The following C2CD3 variants were observed in gnomAD, a reference collection of about 807,000 sequenced individuals.
C2CD3 encodes C2 domain-containing protein 3.
In C2CD3, 148 loss-of-function variants were observed where a neutral mutation model predicts 234.0. The ratio of observed to expected loss-of-function variants is 0.63; its 90% CI spans 0.55 to 0.72. C2CD3 has a LOEUF of 0.72. Among genes scored for constraint, C2CD3 ranks in the 30% least tolerant of loss-of-function variants. The pLI is 0.00. For missense variants in C2CD3, 2,577 were observed against 2,811.5 expected (o/e 0.92, Z 1.89); for synonymous variants, 1,000 against 1,035.4 (o/e 0.97, Z 0.66).
intron 9 of C2CD3, among the ~76,000 whole-genome samples, chr11:74,116,363 C>T (rs929875165): frequency 2.0e-5 from 3 of 151,768 alleles, no homozygotes; most frequent in Non-Finnish European, 2.9e-5. Flanking sequence ...GGCCAACAAA[C>T]GTATGAAAAT....
At chr11:74,131,317 G>C (rs1173146414) in intron 7 of C2CD3, among the ~76,000 whole-genome samples, 1 of 146,764 alleles carries the variant, frequency 6.8e-6, no homozygotes, top group Admixed American at 6.7e-5. Flanking sequence ...AGTGAGACTC[G>C]GTCTCAAAAA....
At chr11:74,061,224 T>C (rs996536663) in intron 24 of C2CD3, among the ~76,000 whole-genome samples, 1 of 152,210 alleles carries the variant, frequency 6.6e-6, no homozygotes, top group Non-Finnish European at 1.5e-5. Flanking sequence ...CCAGGAGAAC[T>C]TCCCCAACCT....
intron 22 of C2CD3, among the ~76,000 whole-genome samples, chr11:74,083,480 G>T (rs947456789): frequency 7.3e-4 from 111 of 152,262 alleles, no homozygotes; most frequent in African/African-American, 2.6e-3. Flanking sequence ...CACAGCAAAA[G>T]AACCTACCAT....
intron 24 of C2CD3, 40 bp from the exon 25 acceptor site, chr11:74,057,584 C>A (rs1954016002): frequency 6.2e-7 from 1 of 1,608,460 alleles, no homozygotes; most frequent in African/African-American, 1.3e-5. Context: ...CTTTAGGGTA[C>A]ACAAGAAGCC....
intron 26 of C2CD3, 74 bp downstream of exon 26, chr11:74,054,529 AAAAG>A: frequency 1.3e-6 from 1 of 746,114 alleles, no homozygotes; most frequent in South Asian, 2.2e-5. Context: ...AAAAAAAAAA[AAAAG>A]GAATGGTAGA....
At chr11:74,066,121 G>A (rs1042166997) in intron 24 of C2CD3, among the ~76,000 whole-genome samples, 22 of 150,370 alleles carry the variant, frequency 1.5e-4, no homozygotes, top group African/African-American at 5.4e-4. Flanking sequence ...GAAGCCATAA[G>A]AAAGGATGAG....
chr11:74,154,154 TA>T (rs1855856510), intron 3 of C2CD3, among the ~76,000 whole-genome samples: 1 of 152,046 alleles, frequency 6.6e-6, no homozygotes, highest in South Asian at 2.1e-4. Context: ...AAACTTGGAT[TA>T]GGGGAAGATT....
intron 2 of C2CD3, among the ~76,000 whole-genome samples, chr11:74,166,127 G>A (rs112683310): frequency 9.9e-5 from 15 of 152,046 alleles, no homozygotes; most frequent in African/African-American, 3.1e-4. Context: ...TGGCTAACAC[G>A]GTGAAACCCC....
Position 74,049,318 on chromosome 11 carries a change from T to C in C2CD3, c.5361+19A>G. 1 of 1,602,136 alleles carries C rather than the reference T, an allele frequency of 6.2e-7. No homozygotes were observed. Among genetic ancestry groups the C allele is most frequent in the Non-Finnish European group, 8.6e-7 (1 of 1,169,118 alleles). On this transcript the variant is annotated intron_variant, in intron 27 of 32. Coordinates refer to ENST00000334126, the MANE Select transcript of C2CD3 (RefSeq NM_001286577.2). ...CAGTACAATTCGTATTGGTTAGGGA[T>C]GTGAATCTCCATACATACCAGTGAT...
chr11:74,078,053 C>T lies in C2CD3; in HGVS notation c.4603+62G>A, dbSNP rs1391266842. On this transcript the variant is annotated intron_variant, in intron 23 of 32. Coordinates refer to ENST00000334126, the MANE Select transcript of C2CD3 (RefSeq NM_001286577.2). ...AAGTAATGTCTGACAGAGTGTCTCA[C>T]CTAGTGTTTGACACAGAGCAGGTGC... is the stretch of plus-strand genomic sequence containing the variant. 3.9e-6 allele frequency: 6 copies of T among 1,542,610 alleles called. No homozygotes were observed. The African/African-American group carries it at 8.2e-5, about 21-fold the overall frequency.
chr11:74,119,669 T>G (rs1957147072), intron 8 of C2CD3, among the ~76,000 whole-genome samples: 1 of 150,006 alleles, frequency 6.7e-6, no homozygotes, highest in Non-Finnish European at 1.5e-5. Flanking sequence ...GGAGTCTCAG[T>G]CTGTTGCCCA....
intron 24 of C2CD3, among the ~76,000 whole-genome samples, chr11:74,063,045 TCCTGGACACACACACCCTC>T (rs1954323623): frequency 6.6e-6 from 1 of 152,116 alleles, no homozygotes; most frequent in Non-Finnish European, 1.5e-5. Flanking sequence ...ATGGATAAAT[TCCTGGACACACACACCCTC>T]CCAAGACTAA....
chr11:74,163,318 G>A (rs1180680527), intron 2 of C2CD3, among the ~76,000 whole-genome samples: 1 of 152,188 alleles, frequency 6.6e-6, no homozygotes, highest in Non-Finnish European at 1.5e-5. Flanking sequence ...ACAGTCCAGT[G>A]TCTTCCCACA....
At chr11:74,014,602 T>C (rs965208702) in intron 32 of C2CD3, among the ~76,000 whole-genome samples, 3 of 152,254 alleles carry the variant, frequency 2.0e-5, no homozygotes, top group Non-Finnish European at 4.4e-5. Context: ...ATTCTTTCTT[T>C]CATGTCTTCA....
intron 12 of C2CD3, among the ~76,000 whole-genome samples, chr11:74,107,713 G>A (rs2135501903): frequency 6.6e-6 from 1 of 152,082 alleles, no homozygotes; most frequent in Non-Finnish European, 1.5e-5. Context: ...ACAACATACT[G>A]TATTCATTGG....
At chr11:74,062,663 G>A (rs865964381) in intron 24 of C2CD3, among the ~76,000 whole-genome samples, 6 of 151,966 alleles carry the variant, frequency 3.9e-5, no homozygotes, top group Non-Finnish European at 5.9e-5. Context: ...ATGCCCACAA[G>A]AGAAAGCAGG....
chr11:74,132,782 C>A, intron 7 of C2CD3, 62 bp downstream of exon 7: 1 of 1,513,742 alleles, frequency 6.6e-7, no homozygotes. Flanking sequence ...AATCTGATAA[C>A]AATGCATACT....
chr11:74,018,578 G>A (rs1157247228), intron 32 of C2CD3, among the ~76,000 whole-genome samples: 1 of 152,208 alleles, frequency 6.6e-6, no homozygotes, highest in Non-Finnish European at 1.5e-5. Flanking sequence ...TGCATCAGAG[G>A]CCGAGTGAGG....
intron 2 of C2CD3, among the ~76,000 whole-genome samples, chr11:74,161,984 T>G (rs1856509628): frequency 6.6e-6 from 1 of 151,866 alleles, no homozygotes; most frequent in Non-Finnish European, 1.5e-5. Flanking sequence ...CTGGGGTAAT[T>G]TTTTTTATTT....
Sources: allele counts gnomAD v4.1 joint callset (sites outside exome capture counted in the v4.1 genomes callset), GRCh38; gene constraint gnomAD v4.1.1; transcripts MANE v1.5; gene names NCBI Gene and HGNC (gene_info 2026-07-23, HGNC 2026-07-21).